The following DUS4L variants were observed in gnomAD, a reference collection of about 807,000 sequenced individuals.
DUS4L encodes tRNA-dihydrouridine(20a/20b) synthase [NAD(P)+]-like.
Under a neutral mutation model 33.8 loss-of-function variants are expected in DUS4L, and 31 were observed. The ratio of observed to expected loss-of-function variants is 0.92; its 90% CI spans 0.69 to 1.24. The LOEUF is 1.24. DUS4L is among the 50% of genes most tolerant of loss of function. DUS4L has a pLI of 0.00. For synonymous variants in DUS4L, 103 were observed against 120.3 expected, an observed-to-expected ratio of 0.86 and a Z score of 0.94; for missense variants, 368 against 388.6, an observed-to-expected ratio of 0.95 and a Z score of 0.45.
At chr7:107,567,958 T>G (rs572952194) in intron 3 of DUS4L, 2 of 220,278 alleles carry the variant, frequency 9.1e-6, no homozygotes, top group East Asian at 1.4e-4. Flanking sequence ...TTCATTCATG[T>G]TGTAGCATAT....
chr7:107,569,413 T>C (rs1804998456), intron 3 of DUS4L, among the ~76,000 whole-genome samples: 1 of 152,344 alleles, frequency 6.6e-6, no homozygotes, highest in Non-Finnish European at 1.5e-5. Context: ...GTTTTAGCTA[T>C]TCTAGTTCCC....
chr7:107,564,173 C>T lies in DUS4L; in HGVS notation c.-147C>T, dbSNP rs1804313919. ...TCTCTCGCAGCAGCTCAGGGCCGCG[C>T]CCCCTGGGCTGGCGTCGTGCCCTAG... On this transcript the variant is annotated 5_prime_UTR_variant, in exon 1 of 8. Coordinates refer to ENST00000265720, the MANE Select transcript of DUS4L (RefSeq NM_181581.3). 4.7e-6 allele frequency: 3 copies of T among 639,006 alleles called. No homozygotes were observed. The highest frequency in any genetic ancestry group is 1.9e-5 in the South Asian group (1 of 51,308). 39.6% of individuals were successfully genotyped at this position (639,006 alleles called of 1,614,324 possible).
chr7:107,564,959 T>C (rs1804476390), intron 2 of DUS4L, among the ~76,000 whole-genome samples: 1 of 152,236 alleles, frequency 6.6e-6, no homozygotes, highest in Admixed American at 6.5e-5. Context: ...CTGTTCTAAG[T>C]ATTTTATAAC....
intron 2 of DUS4L, among the ~76,000 whole-genome samples, chr7:107,566,561 G>A (rs908554932): frequency 6.6e-6 from 1 of 151,988 alleles, no homozygotes; most frequent in African/African-American, 2.4e-5. Flanking sequence ...GACAGAACAG[G>A]ATTCAAGAAT....
chr7:107,567,444 T>C (rs1804811543), intron 3 of DUS4L, among the ~76,000 whole-genome samples: 1 of 152,098 alleles, frequency 6.6e-6, no homozygotes, highest in Admixed American at 6.5e-5. Context: ...AAGTATATAA[T>C]GGATATTAAA....
At chr7:107,566,061 A>C (rs561463775) in intron 2 of DUS4L, among the ~76,000 whole-genome samples, 3 of 152,172 alleles carry the variant, frequency 2.0e-5, no homozygotes, top group African/African-American at 7.2e-5. Flanking sequence ...CCCAGCTCCA[A>C]AGTTCATCTT....
Position 107,571,226 on chromosome 7 carries a change from A to G in DUS4L, c.198A>G (p.Lys66=). The change falls in exon 4 of 8, where the codon AAA becomes AAG. Residue 66 remains lysine (K), a synonymous_variant. Coordinates refer to ENST00000265720, the MANE Select transcript of DUS4L (RefSeq NM_181581.3). ...TGATTGTTGCCGCTGATTTTGTCAA[A>G]TCTATAAAAGCCAGAGACAGCGAAT... ...TPMIVAADFV[K]SIKARDSEFT... is the part of the protein sequence containing the mutation. 6.2e-7 allele frequency: 1 copy of G among 1,612,454 alleles called. No individual in the cohort carries two copies. The highest frequency in any genetic ancestry group is 8.5e-7 in the Non-Finnish European group (1 of 1,179,562).
intron 6 of DUS4L, chr7:107,575,720 C>T (rs1210216146): frequency 2.4e-5 from 4 of 168,198 alleles, no homozygotes; most frequent in Non-Finnish European, 5.1e-5. Context: ...GAGACAGAGT[C>T]TCACTCTGTT....
At chr7:107,576,706 T>C (rs540613711) in intron 7 of DUS4L, 114 bp downstream of exon 7, 21 of 1,032,066 alleles carry the variant, frequency 2.0e-5, no homozygotes, top group South Asian at 3.6e-5. Flanking sequence ...TATTTTCCCA[T>C]TGTACTGTTT....
chr7:107,575,168 C>CA lies in DUS4L; in HGVS notation c.357-19dup. On this transcript the variant is annotated intron_variant, in intron 5 of 7. Transcript: ENST00000265720. ...TCCAGTTATTTATAATTCACTTGTT[C>CA]ATGTGTTTGCTTTACAAAGGTGGGC... is the stretch of plus-strand genomic sequence containing the variant. The CA allele has an allele frequency of 1.2e-6, 2 of 1,605,650 alleles. No homozygotes were observed.
Position 107,577,679 on chromosome 7 carries a change from A to C in DUS4L, c.*119A>C. ...TTTTAGTATAAAAACAATTCCTGGG[A>C]GCGTTTTTTAAAAATCAGTTGTAGA... On this transcript the variant is annotated 3_prime_UTR_variant, in exon 8 of 8. Transcript: ENST00000265720. 1 of 1,189,698 alleles carries C rather than the reference A, an allele frequency of 8.4e-7. No homozygotes were observed. Among genetic ancestry groups the C allele is most frequent in the South Asian group, 1.6e-5 (1 of 61,044 alleles). 73.7% of individuals were successfully genotyped at this position (1,189,698 alleles called of 1,614,324 possible).
At position 107,578,326 on chromosome 7, in the gene DUS4L, TGGTTTTGGAGTGTTATTAATA is replaced by T. The variant is rs1805959732; in HGVS notation, c.*768_*788del. On this transcript the variant is annotated 3_prime_UTR_variant, in exon 8 of 8. Coordinates refer to ENST00000265720, the MANE Select transcript of DUS4L (RefSeq NM_181581.3). ...CGTTGATTGTAACTTTAAAGTCCCA[TGGTTTTGGAGTGTTATTAATA>T]GATTTTGTTATCGGTGGGCATGCAC... is the stretch of plus-strand genomic sequence containing the variant. The T allele has an allele frequency of 3.3e-5, 5 of 152,338 alleles. No individual in the cohort carries two copies. In the South Asian group the frequency reaches 1.0e-3, roughly 32 times the overall value. 9.4% of individuals were successfully genotyped at this position (152,338 alleles called of 1,614,324 possible).
intron 3 of DUS4L, among the ~76,000 whole-genome samples, chr7:107,568,338 T>G (rs894456583): frequency 1.3e-5 from 2 of 152,220 alleles, no homozygotes; most frequent in African/African-American, 4.8e-5. Flanking sequence ...CACATCCTCA[T>G]CAACACTTGT....
Position 107,576,539 on chromosome 7 carries a change from A to G in DUS4L, c.653A>G (p.Asp218Gly), listed in dbSNP as rs781002474. ...TCTATACCTGTAATTGCTAATGGAG[A>G]CATCAGAAGCTTAAAGGAAGCAGAA... ...NMSIPVIANG[D>G]IRSLKEAENV... The change falls in exon 7 of 8, where the codon GAC becomes GGC. Residue 218 changes from aspartate (D) to glycine (G), a missense_variant. Physicochemically the swap from Asp to Gly is moderately conservative, Grantham distance 94. Coordinates refer to ENST00000265720, the MANE Select transcript of DUS4L (RefSeq NM_181581.3). 6.2e-7 allele frequency: 1 copy of G among 1,601,656 alleles called. No individual in the cohort carries two copies. The highest frequency in any genetic ancestry group is 8.5e-7 in the Non-Finnish European group (1 of 1,175,070).
At chr7:107,570,608 A>G (rs1007722987) in intron 3 of DUS4L, 3 of 153,986 alleles carry the variant, frequency 1.9e-5, no homozygotes. Context: ...GTATCAATAG[A>G]ATGTTGGAGC....
chr7:107,572,544 G>A (rs942826461), intron 4 of DUS4L, among the ~76,000 whole-genome samples: 4 of 152,030 alleles, frequency 2.6e-5, no homozygotes, highest in South Asian at 2.1e-4. Context: ...TAATACATTC[G>A]GCTGTATTAA....
chr7:107,568,714 C>T lies in DUS4L; in HGVS notation c.116+1528C>T, dbSNP rs577852990. On this transcript the variant is annotated intron_variant, in intron 3 of 7. Transcript: ENST00000265720. ...TTTTTCCTTTTGTAAATTGTGCTTT[C>T]GATGTCAAGTATAAGAAACCTTTAT... Among the ~76,000 whole-genome samples the T allele has an allele frequency of 2.4e-4, 37 of 152,248 alleles. No homozygotes were observed. The South Asian group carries it at 7.0e-3, about 29-fold the overall frequency.
chr7:107,567,929 C>G (rs1027523651), intron 3 of DUS4L: 1 of 244,258 alleles, frequency 4.1e-6, no homozygotes, highest in Non-Finnish European at 8.2e-6. Context: ...ATATTTTATG[C>G]AGCATAACAT....
intron 4 of DUS4L, among the ~76,000 whole-genome samples, chr7:107,572,017 C>CTTTT (rs74977605): frequency 1.4e-5 from 2 of 142,666 alleles, no homozygotes; most frequent in Non-Finnish European, 3.1e-5. Context: ...AGCCATGAAT[C>CTTTT]TTTTTTTTTT....
Sources: allele counts gnomAD v4.1 joint callset (sites outside exome capture counted in the v4.1 genomes callset), GRCh38; gene constraint gnomAD v4.1.1; transcripts MANE v1.5; gene names NCBI Gene and HGNC (gene_info 2026-07-23, HGNC 2026-07-21).